Variants in C8orf34 observed in about 807,000 individuals in gnomAD.
The protein encoded by C8orf34 is uncharacterized protein C8orf34.
C8orf34 carries 65 observed loss-of-function variants against 68.3 expected under a neutral mutation model. That is an observed-to-expected ratio of 0.95 (90% CI 0.78 to 1.17). C8orf34 has a LOEUF of 1.17. C8orf34 is among the 50% of genes most tolerant of loss of function. The probability of loss-of-function intolerance (pLI) is 0.00; values close to 1 mark genes in which losing one functional copy is unlikely to be tolerated. For missense variants in C8orf34, 664 were observed against 655.4 expected (o/e 1.01, Z -0.14); for synonymous variants, 244 against 241.2 (o/e 1.01, Z -0.11).
chr8:68,383,752 G>T (rs1412590006), intron 1 of C8orf34, among the ~76,000 whole-genome samples: 4 of 152,178 alleles, frequency 2.6e-5, no homozygotes, highest in Non-Finnish European at 5.9e-5. Context: ...GCTGAGAATT[G>T]CTCATTTCCT....
intron 7 of C8orf34, among the ~76,000 whole-genome samples, chr8:68,566,748 C>T (rs752402486): frequency 2.6e-5 from 4 of 152,138 alleles, no homozygotes; most frequent in Non-Finnish European, 4.4e-5. Flanking sequence ...AGCAATAAGG[C>T]GTTGTGCTTT....
intron 8 of C8orf34, among the ~76,000 whole-genome samples, chr8:68,702,467 G>A (rs1055545553): frequency 4.6e-5 from 7 of 152,112 alleles, no homozygotes; most frequent in Non-Finnish European, 8.8e-5. Flanking sequence ...TTTGTTACTT[G>A]CAACGTATTC....
chr8:68,338,297 T>C (rs769990388), intron 1 of C8orf34, among the ~76,000 whole-genome samples: 3 of 152,186 alleles, frequency 2.0e-5, no homozygotes, highest in Admixed American at 6.5e-5. Context: ...CCCCTTCAGA[T>C]TGGCAACATA....
At chr8:68,607,097 C>T (rs1004060674) in intron 7 of C8orf34, among the ~76,000 whole-genome samples, 4 of 151,998 alleles carry the variant, frequency 2.6e-5, no homozygotes. Flanking sequence ...AGTCTATCGC[C>T]AACAGCTGAA....
chr8:68,483,750 A>G (rs1221653145), intron 4 of C8orf34, among the ~76,000 whole-genome samples: 2 of 152,216 alleles, frequency 1.3e-5, no homozygotes, highest in Non-Finnish European at 2.9e-5. Context: ...AATGACACAG[A>G]TGGAGGCCAT....
intron 7 of C8orf34, among the ~76,000 whole-genome samples, chr8:68,622,194 T>G (rs1038913664): frequency 6.6e-6 from 1 of 152,254 alleles, no homozygotes; most frequent in African/African-American, 2.4e-5. Context: ...CACACAAGTG[T>G]GCAAGCCAAG....
At chr8:68,738,648 T>C (rs762937312) in intron 10 of C8orf34, among the ~76,000 whole-genome samples, 1 of 152,068 alleles carries the variant, frequency 6.6e-6, no homozygotes, top group Non-Finnish European at 1.5e-5. Context: ...CAGATAATAA[T>C]ATAAGCACAT....
intron 1 of C8orf34, among the ~76,000 whole-genome samples, chr8:68,388,360 A>G (rs1220159236): frequency 6.6e-6 from 1 of 152,082 alleles, no homozygotes; most frequent in Non-Finnish European, 1.5e-5. Flanking sequence ...GTTCATGAAA[A>G]TTCTTGCCTG....
chr8:68,668,820 G>T (rs1585701835), intron 8 of C8orf34, among the ~76,000 whole-genome samples: 1 of 152,302 alleles, frequency 6.6e-6, no homozygotes, highest in East Asian at 1.9e-4. Context: ...GGGAAGGAAA[G>T]GAGGCAGCCT....
intron 7 of C8orf34, among the ~76,000 whole-genome samples, chr8:68,536,930 A>G (rs1057056025): frequency 2.0e-5 from 3 of 152,146 alleles, no homozygotes; most frequent in African/African-American, 4.8e-5. Context: ...TCTTTGCTGA[A>G]TATAGTCATT....
chr8:68,671,158 A>G (rs1052601726), intron 8 of C8orf34, among the ~76,000 whole-genome samples: 6 of 152,250 alleles, frequency 3.9e-5, no homozygotes, highest in African/African-American at 1.2e-4. Context: ...GGCGGAAAAT[A>G]TGATAGCTGT....
intron 7 of C8orf34, among the ~76,000 whole-genome samples, chr8:68,572,695 G>A (rs1250855169): frequency 2.6e-5 from 4 of 151,954 alleles, no homozygotes; most frequent in East Asian, 1.9e-4. Flanking sequence ...CCTATTTGCC[G>A]AGATTTGGTT....
chr8:68,616,135 T>C (rs1489291142), intron 7 of C8orf34, among the ~76,000 whole-genome samples: 2 of 151,370 alleles, frequency 1.3e-5, no homozygotes, highest in Non-Finnish European at 2.9e-5. Context: ...TCGGTGGTGA[T>C]ATCCCCTTTA....
intron 10 of C8orf34, among the ~76,000 whole-genome samples, chr8:68,762,929 C>T (rs905553563): frequency 2.0e-5 from 3 of 152,134 alleles, no homozygotes; most frequent in Non-Finnish European, 4.4e-5. Context: ...GGAACATCAT[C>T]GCAGGGCCCA....
intron 10 of C8orf34, among the ~76,000 whole-genome samples, chr8:68,728,968 T>A (rs1821909641): frequency 6.6e-6 from 1 of 152,342 alleles, no homozygotes; most frequent in East Asian, 1.9e-4. Context: ...ACATATGCCA[T>A]ATTTCCCAAG....
chr8:68,593,661 G>A (rs1180583864), intron 7 of C8orf34, among the ~76,000 whole-genome samples: 3 of 151,868 alleles, frequency 2.0e-5, no homozygotes, highest in African/African-American at 7.2e-5. Flanking sequence ...TTCATTTACA[G>A]CTTTTCTCTT....
chr8:68,368,733 C>G lies in C8orf34; in HGVS notation c.327+37394C>G, dbSNP rs376001584. On this transcript the variant is annotated intron_variant, in intron 1 of 13. Coordinates refer to ENST00000518698, the MANE Select transcript of C8orf34 (RefSeq NM_052958.4). ...TGAGATTACCATATGATTTTTTTCC[C>G]TTTATTCTGCTAATGGGAAAGATTA... 5.4e-4 allele frequency among the ~76,000 whole-genome samples: 82 copies of G among 152,024 alleles called. 1 individual carries two copies. Among genetic ancestry groups the G allele is most frequent in the African/African-American group, 1.9e-3 (79 of 41,476 alleles).
At chr8:68,746,079 T>A (rs1277811442) in intron 10 of C8orf34, among the ~76,000 whole-genome samples, 2 of 152,070 alleles carry the variant, frequency 1.3e-5, no homozygotes, top group Non-Finnish European at 2.9e-5. Flanking sequence ...GGATTAAGAA[T>A]CTCACTCAAA....
At chr8:68,693,892 A>AAT (rs1416336324) in intron 8 of C8orf34, among the ~76,000 whole-genome samples, 1 of 152,078 alleles carries the variant, frequency 6.6e-6, no homozygotes, top group African/African-American at 2.4e-5. Context: ...GATGGCTTTT[A>AAT]ATAATAAATT....
Sources: allele counts gnomAD v4.1 joint callset (sites outside exome capture counted in the v4.1 genomes callset), GRCh38; gene constraint gnomAD v4.1.1; transcripts MANE v1.5; gene names NCBI Gene and HGNC (gene_info 2026-07-23, HGNC 2026-07-21).